The following PRPF40B variants were observed in gnomAD, a reference collection of about 807,000 sequenced individuals.
PRPF40B encodes the protein pre-mRNA processing factor 40B.
Under a neutral mutation model 124.5 loss-of-function variants are expected in PRPF40B, and 56 were observed. The ratio of observed to expected loss-of-function variants is 0.45; its 90% CI spans 0.36 to 0.56. PRPF40B has a LOEUF of 0.56. Among genes scored for constraint, PRPF40B ranks in the 20% least tolerant of loss-of-function variants. PRPF40B has a pLI of 0.00. For synonymous variants in PRPF40B, 443 were observed against 426.4 expected (o/e 1.04, Z -0.48); for missense variants, 1,053 against 1,169.5 (o/e 0.90, Z 1.45).
chr12:49,643,555 G>A, intron 23 of PRPF40B, 136 bp from the exon 24 acceptor site: 1 of 1,360,234 alleles, frequency 7.4e-7, no homozygotes, highest in Non-Finnish European at 9.9e-7. Context: ...GCAAGAAGCT[G>A]GAGAAGGAAA....
rs1941724587 is a variant in PRPF40B, at chr12:49,635,767, C to G, written c.1276-76C>G. On this transcript the variant is annotated intron_variant, in intron 14 of 25. Transcript: ENST00000548825. This position sits in a 1 kb window ranked among gnomAD's most constrained non-coding sequence, Gnocchi z 4.1. ...CCTAGGGTTCCCTAGCTACCTTTCC[C>G]CAGGTCCTCCTCTGCCCAGGCCTAC... is the stretch of plus-strand genomic sequence containing the variant. The G allele has an allele frequency of 6.4e-7, 1 of 1,563,088 alleles. No individual in the cohort carries two copies. The highest frequency in any genetic ancestry group is 8.7e-7 in the Non-Finnish European group (1 of 1,148,540).
upstream of PRPF40B, chr12:49,623,520 C>G: frequency 8.1e-7 from 1 of 1,238,944 alleles, no homozygotes; most frequent in South Asian, 3.5e-5. Context: ...CTCCCGGCTG[C>G]GGCCTGGCCA....
Position 49,635,529 on chromosome 12 carries a change from T to A in PRPF40B, c.1275+56T>A. ...CATCTCATCCTGGACTTTCCTTGTCTTTGCTTTGTTATGGACCCTCGCCAT... is the reference window on the plus strand; with the variant it reads ...CATCTCATCCTGGACTTTCCTTGTCATTGCTTTGTTATGGACCCTCGCCAT... On this transcript the variant is annotated intron_variant, in intron 14 of 25. Coordinates refer to ENST00000548825, the MANE Select transcript of PRPF40B (RefSeq NM_001031698.3). The surrounding 1 kb of genome is among the most constrained non-coding windows in gnomAD (Gnocchi z 4.1). 4.6e-6 allele frequency: 7 copies of A among 1,519,290 alleles called. No individual in the cohort carries two copies. The highest frequency in any genetic ancestry group is 6.3e-6 in the Non-Finnish European group (7 of 1,115,188). 94.1% of individuals were successfully genotyped at this position (1,519,290 alleles called of 1,614,324 possible).
intron 7 of PRPF40B, 97 bp from the exon 8 acceptor site, chr12:49,633,330 G>T (rs938010137): frequency 6.6e-7 from 1 of 1,525,730 alleles, no homozygotes; most frequent in Non-Finnish European, 8.9e-7. Flanking sequence ...GTAGCTAAAG[G>T]TTCCTGTGTC....
rs763215765 is a variant in PRPF40B, at chr12:49,633,423, G to A, written c.460-4G>A. The A allele has an allele frequency of 1.9e-6, 3 of 1,614,026 alleles. No individual in the cohort carries two copies. The highest frequency in any genetic ancestry group is 1.3e-5 in the African/African-American group (1 of 74,920). ...CTGATGGCTCCTATCCCATCCACTT[G>A]CAGCTGCTCCTGTCCCAATGTCCCT... On this transcript the variant is annotated splice_polypyrimidine_tract_variant and splice_region_variant and intron_variant, in intron 7 of 25. Transcript: ENST00000548825.
rs905475751 is a variant in PRPF40B, at chr12:49,642,735, A to T, written c.2118+60A>T. The T allele has an allele frequency of 1.4e-5, 22 of 1,556,894 alleles. No homozygotes were observed. The highest frequency in any genetic ancestry group is 1.9e-5 in the Non-Finnish European group (22 of 1,142,566). On this transcript the variant is annotated intron_variant, in intron 21 of 25. Transcript: ENST00000548825. This position sits in a 1 kb window ranked among gnomAD's most constrained non-coding sequence, Gnocchi z 5.8. ...CCCTTGAACTCATTAGACCAGTTCA[A>T]CAGAGACCTCAGTGGCCTCCCTCTT...
intron 10 of PRPF40B, 69 bp from the exon 11 acceptor site, chr12:49,634,263 C>T (rs1941522317): frequency 1.9e-6 from 3 of 1,609,950 alleles, no homozygotes; most frequent in African/African-American, 1.3e-5. Flanking sequence ...GATATGTTGC[C>T]AGGAGTTCAG....
rs749060712 is a variant in PRPF40B, at chr12:49,643,731, TAAG to T, written c.2426_2428del (p.Lys809del). ...AAGCCAAGAAACCAAAAAAGAAAAC[TAAG>T]AAGAGAAGACACAAGTCGGTGAGTG... On this transcript the variant is annotated inframe_deletion, in exon 24 of 26. Transcript: ENST00000548825. 15 of 1,613,892 alleles carry T rather than the reference TAAG, an allele frequency of 9.3e-6. No individual in the cohort carries two copies. Among genetic ancestry groups the T allele is most frequent in the Non-Finnish European group, 1.2e-5 (14 of 1,179,984 alleles).
At position 49,633,128 on chromosome 12, in the gene PRPF40B, C is replaced by T. The variant is rs1941405935; in HGVS notation, c.459+4C>T. ...CGTGCTCAAGTCCAAGGCAGAGGTC[C>T]TGAGCTGGGCTTTCTGGCCCTTCCT... On this transcript the variant is annotated splice_donor_region_variant and intron_variant, in intron 7 of 25. Coordinates refer to ENST00000548825, the MANE Select transcript of PRPF40B (RefSeq NM_001031698.3). The T allele has an allele frequency of 6.3e-7, 1 of 1,585,114 alleles. No homozygotes were observed. Among genetic ancestry groups the T allele is most frequent in the Admixed American group, 1.8e-5 (1 of 55,150 alleles).
rs1421878363 is a variant in PRPF40B at position 49,641,576 on chromosome 12, G to A, written c.1768-332G>A. On this transcript the variant is annotated intron_variant, in intron 18 of 25. Transcript: ENST00000548825. ...AAATGTTGATTGAGAATGCATGGAA[G>A]CACTGCTGAGCAGCAGGAGGGCCCA... 32 of 316,434 alleles carry A rather than the reference G, an allele frequency of 1.0e-4. No homozygotes were observed. In the Admixed American group the frequency reaches 1.4e-3, roughly 14 times the overall value. The allele number at this position is 316,434 out of a possible 1,614,324, so 19.6% of individuals were successfully genotyped here.
Position 49,633,141 on chromosome 12 carries a change from T to C in PRPF40B, c.459+17T>C. The C allele has an allele frequency of 6.4e-7, 1 of 1,573,120 alleles. No individual in the cohort carries two copies. ...AAGGCAGAGGTCCTGAGCTGGGCTT[T>C]CTGGCCCTTCCTTTCAGCTGCCCTG... On this transcript the variant is annotated intron_variant, in intron 7 of 25. Coordinates refer to ENST00000548825, the MANE Select transcript of PRPF40B (RefSeq NM_001031698.3).
At chr12:49,637,663 T>A in intron 17 of PRPF40B, 70 bp from the exon 18 acceptor site, 1 of 1,553,484 alleles carries the variant, frequency 6.4e-7, no homozygotes, top group South Asian at 1.1e-5. Context: ...TACCGGCTCC[T>A]GTCCTCGGCC....
In PRPF40B at chr12:49,632,635, G is replaced by T. The variant is rs1941332701; in HGVS notation, c.322+12G>T. ...GGACACCGCCAGCTGTGAGTCTTCTGGGGGCCTGCTCCCCCCAGGCTCGGA... is the reference window on the plus strand; with the variant it reads ...GGACACCGCCAGCTGTGAGTCTTCTTGGGGCCTGCTCCCCCCAGGCTCGGA... On this transcript the variant is annotated intron_variant, in intron 5 of 25. Transcript: ENST00000548825. 1.2e-6 allele frequency: 2 copies of T among 1,613,538 alleles called. No homozygotes were observed. Among genetic ancestry groups the T allele is most frequent in the Non-Finnish European group, 1.7e-6 (2 of 1,179,754 alleles).
At position 49,643,739 on chromosome 12, in the gene PRPF40B, G is replaced by C. The variant is rs775868820; in HGVS notation, c.2429G>C (p.Arg810Thr). Residue 810 changes from arginine (R) to threonine (T), a missense_variant, in exon 24 of 26, where the codon AGA (arginine) becomes ACA (threonine). Coordinates refer to ENST00000548825, the MANE Select transcript of PRPF40B (RefSeq NM_001031698.3). ...AKKPKKKTKK[R>T]RHKSNSPESE... is the part of the protein sequence containing the mutation. ...AAACCAAAAAAGAAAACTAAGAAGAGAAGACACAAGTCGGTGAGTGAAGGA... is the reference window on the plus strand; with the variant it reads ...AAACCAAAAAAGAAAACTAAGAAGACAAGACACAAGTCGGTGAGTGAAGGA... 22 of 1,614,032 alleles carry C rather than the reference G, an allele frequency of 1.4e-5. No homozygotes were observed. The highest frequency in any genetic ancestry group is 1.9e-5 in the Non-Finnish European group (22 of 1,180,026).
chr12:49,636,914 T>C, intron 16 of PRPF40B, 65 bp downstream of exon 16: 1 of 1,603,782 alleles, frequency 6.2e-7, no homozygotes, highest in Non-Finnish European at 8.5e-7. Context: ...TCTTCACCCA[T>C]TCCCTGCCCC....
rs1343386661 is a variant in PRPF40B at position 49,637,288 on chromosome 12, TTC to T, written c.1561-176_1561-175del. 11 of 599,424 alleles carry T rather than the reference TTC, an allele frequency of 1.8e-5. 1 individual carries two copies. Among genetic ancestry groups the T allele is most frequent in the South Asian group, 6.0e-5 (3 of 50,042 alleles). The allele number at this position is 599,424 out of a possible 1,614,324, so 37.1% of individuals were successfully genotyped here. A position where few individuals can be genotyped will look rare whatever the true frequency, so the allele number is the denominator to read the frequency against. ...TTCTGTCCCTCTCTGTGTATTTACTTTCTCTCTTTTTGCATTGTTCTCAGCCT... is the reference window on the plus strand; with the variant it reads ...TTCTGTCCCTCTCTGTGTATTTACTTTCTCTTTTTGCATTGTTCTCAGCCT... On this transcript the variant is annotated intron_variant, in intron 16 of 25. Coordinates refer to ENST00000548825, the MANE Select transcript of PRPF40B (RefSeq NM_001031698.3).
intron 4 of PRPF40B, 183 bp from the exon 5 acceptor site, chr12:49,632,413 G>A (rs745532707): frequency 1.5e-5 from 10 of 670,638 alleles, no homozygotes; most frequent in African/African-American, 3.6e-5. Context: ...GCTGCTATGC[G>A]ATTCTCCCTT....
At position 49,633,046 on chromosome 12, in the gene PRPF40B, T is replaced by TG; in HGVS notation, c.384dup (p.Arg129AlafsTer8). The TG allele has an allele frequency of 7.3e-7, 1 of 1,377,206 alleles. No individual in the cohort carries two copies. The highest frequency in any genetic ancestry group is 1.2e-5 in the South Asian group (1 of 86,780). The allele number at this position is 1,377,206 out of a possible 1,614,324, so 85.3% of individuals were successfully genotyped here. On this transcript the variant is annotated frameshift_variant, in exon 7 of 26. Transcript: ENST00000548825. LOFTEE classifies it high-confidence loss of function. ...TATGGAGTGAGCATGTGGCCCCAGA[T>TG]GGGCGCATCTACTACTACAATGCTG... is the stretch of plus-strand genomic sequence containing the variant.
intron 18 of PRPF40B, chr12:49,638,143 G>A (rs1052095763): frequency 4.4e-5 from 13 of 294,658 alleles, no homozygotes; most frequent in African/African-American, 1.1e-4. Context: ...GAGTGTACAC[G>A]GGGTACTAAG....
Sources: gnomAD v4.1 joint callset for allele counts on GRCh38, gnomAD v4.1.1 for gene constraint, Gnocchi (gnomAD v3.1) non-coding constraint, MANE v1.5 for transcripts, NCBI Gene and HGNC (gene_info 2026-07-23, HGNC 2026-07-21) for gene names.